ADAMTS3: variants seen among roughly 807,000 people sequenced by gnomAD.
The protein encoded by ADAMTS3 is A disintegrin and metalloproteinase with thrombospondin motifs 3.
Under a neutral mutation model 129.0 loss-of-function variants are expected in ADAMTS3, and 73 were observed. The ratio of observed to expected loss-of-function variants is 0.57; its 90% CI spans 0.47 to 0.69. The LOEUF is 0.69. ADAMTS3 is among the 30% of genes least tolerant of loss of function. The pLI is 0.00. For missense variants in ADAMTS3, 1,457 were observed against 1,514.5 expected (o/e 0.96, Z 0.63); for synonymous variants, 477 against 510.8 (o/e 0.93, Z 0.89).
At position 72,353,177 on chromosome 4, in the gene ADAMTS3, T is replaced by C. The variant is rs187235917; in HGVS notation, c.662-13484A>G. ...TTGTATTCAATGATAACAAAGAAAT[T>C]GTAGCAACAGGGCTTCCATGTCCTT... On this transcript the variant is annotated intron_variant, in intron 4 of 21. Coordinates refer to ENST00000286657, the MANE Select transcript of ADAMTS3 (RefSeq NM_014243.3). 1.7e-3 allele frequency among the ~76,000 whole-genome samples: 252 copies of C among 152,072 alleles called. 4 individuals carry two copies. The East Asian group carries it at 0.026, about 16-fold the overall frequency.
At chr4:72,446,964 C>T (rs768425674) in intron 3 of ADAMTS3, among the ~76,000 whole-genome samples, 2 of 151,572 alleles carry the variant, frequency 1.3e-5, no homozygotes, top group Non-Finnish European at 3.0e-5. Context: ...AGAAAAGAAA[C>T]AACAAAATGA....
intron 10 of ADAMTS3, among the ~76,000 whole-genome samples, chr4:72,317,905 T>C (rs1336462631): frequency 6.6e-6 from 1 of 151,974 alleles, no homozygotes; most frequent in Non-Finnish European, 1.5e-5. Context: ...GGTGCATGCC[T>C]GTAATCCCAG....
chr4:72,495,727 C>CTATA lies in ADAMTS3; in HGVS notation c.504+52747_504+52750dup, dbSNP rs74738035. 1.5e-3 allele frequency among the ~76,000 whole-genome samples: 235 copies of CTATA among 151,898 alleles called. 2 individuals are homozygous for CTATA. The highest frequency in any genetic ancestry group is 0.011 in the Admixed American group (163 of 15,254). On this transcript the variant is annotated intron_variant, in intron 3 of 21. Transcript: ENST00000286657. ...AAAAAAGCAACTTTCTCACAGTAAC[C>CTATA]TATATATATTAAATGTGCTGCCAAC...
intron 3 of ADAMTS3, among the ~76,000 whole-genome samples, chr4:72,543,950 T>C (rs1192229499): frequency 6.6e-6 from 1 of 152,074 alleles, no homozygotes; most frequent in Admixed American, 6.6e-5. Flanking sequence ...ATCTCAAAAC[T>C]CGTCAGGCTA....
At chr4:72,386,233 C>CT (rs1721442823) in intron 4 of ADAMTS3, among the ~76,000 whole-genome samples, 1 of 152,000 alleles carries the variant, frequency 6.6e-6, no homozygotes, top group African/African-American at 2.4e-5. Flanking sequence ...TTTTCTTTCA[C>CT]TTTTTTCTTT....
Position 72,438,162 on chromosome 4 carries a change from TAAGG to T in ADAMTS3, c.505-23195_505-23192del, listed in dbSNP as rs371444422. Among the ~76,000 whole-genome samples, 303 of 151,756 alleles carry T rather than the reference TAAGG, an allele frequency of 2.0e-3. 4 individuals carry two copies. The highest frequency in any genetic ancestry group is 7.1e-3 in the African/African-American group (294 of 41,464). On this transcript the variant is annotated intron_variant, in intron 3 of 21. Transcript: ENST00000286657. ...ATATCCAGAGGTAATAGTAGGAAGA[TAAGG>T]AAGGATTTCTGGTCACATAAACAAA...
At chr4:72,450,875 C>G (rs3907271) in intron 3 of ADAMTS3, among the ~76,000 whole-genome samples, 1 of 149,752 alleles carries the variant, frequency 6.7e-6, no homozygotes, top group African/African-American at 2.5e-5. Flanking sequence ...ACCCCCAAAA[C>G]AGGAATAAAT....
At chr4:72,405,315 A>G (rs991092974) in intron 4 of ADAMTS3, among the ~76,000 whole-genome samples, 2 of 152,148 alleles carry the variant, frequency 1.3e-5, no homozygotes, top group African/African-American at 4.8e-5. Context: ...AGATGAATAG[A>G]TAAAGAAAAT....
chr4:72,413,685 T>TA (rs1722235246), intron 4 of ADAMTS3, among the ~76,000 whole-genome samples: 1 of 151,926 alleles, frequency 6.6e-6, no homozygotes, highest in South Asian at 2.1e-4. Flanking sequence ...CTTTTTTCAT[T>TA]AAAAAACTGA....
chr4:72,497,975 T>C (rs1303305042), intron 3 of ADAMTS3, among the ~76,000 whole-genome samples: 3 of 152,044 alleles, frequency 2.0e-5, no homozygotes, highest in Non-Finnish European at 4.4e-5. Context: ...GCTATGGCAA[T>C]TTGTAAAATG....
At chr4:72,494,768 G>C (rs1037536480) in intron 3 of ADAMTS3, among the ~76,000 whole-genome samples, 7 of 152,120 alleles carry the variant, frequency 4.6e-5, no homozygotes, top group Non-Finnish European at 7.4e-5. Context: ...AACTGGGTAG[G>C]GTGTGACAGC....
At chr4:72,549,337 A>G (rs1320421959) in intron 2 of ADAMTS3, among the ~76,000 whole-genome samples, 2 of 152,124 alleles carry the variant, frequency 1.3e-5, no homozygotes, top group African/African-American at 4.8e-5. Context: ...TAGACTAATT[A>G]CAATAACTAT....
intron 3 of ADAMTS3, among the ~76,000 whole-genome samples, chr4:72,453,067 T>G (rs1393062733): frequency 2.0e-5 from 3 of 151,794 alleles, no homozygotes; most frequent in Non-Finnish European, 4.4e-5. Flanking sequence ...CCTACTATAC[T>G]AGAAACCTGA....
chr4:72,450,990 A>AGAAGAGAAGAGAAGG (rs1718388359), intron 3 of ADAMTS3, among the ~76,000 whole-genome samples: 3 of 67,274 alleles, frequency 4.5e-5, no homozygotes, highest in African/African-American at 1.8e-4. Context: ...AGAAGAGAAG[A>AGAAGAGAAGAGAAGG]GAAGAGAAGA....
chr4:72,392,913 G>A (rs942750183), intron 4 of ADAMTS3, among the ~76,000 whole-genome samples: 5 of 66,292 alleles, frequency 7.5e-5, no homozygotes, highest in South Asian at 1.2e-3. Context: ...TCTACCCATC[G>A]GATTTTTTTT....
At chr4:72,440,942 C>T (rs997968344) in intron 3 of ADAMTS3, among the ~76,000 whole-genome samples, 3 of 151,618 alleles carry the variant, frequency 2.0e-5, no homozygotes, top group Non-Finnish European at 4.4e-5. Context: ...TACAATGATG[C>T]ACAGATCTTA....
At position 72,309,480 on chromosome 4, in the gene ADAMTS3, T is replaced by C. The variant is rs568888734; in HGVS notation, c.2096A>G (p.Glu699Gly). The change falls in exon 15 of 22, where the codon GAG becomes GGG. Residue 699 changes from glutamate (E) to glycine (G), a missense_variant. Glu to Gly is a moderately conservative substitution (Grantham distance 98). Coordinates refer to ENST00000286657, the MANE Select transcript of ADAMTS3 (RefSeq NM_014243.3). ...TCCTCCACAGACACCACACTTATCC[T>C]CAACCTTATTAGAACCAATTTCTTT... ...CDKEIGSNKV[E>G]DKCGVCGGDN... The C allele has an allele frequency of 4.4e-5, 71 of 1,611,884 alleles. No homozygotes were observed. Among genetic ancestry groups the C allele is most frequent in the Non-Finnish European group, 5.9e-5 (69 of 1,178,536 alleles).
chr4:72,451,389 G>T (rs1365498861), intron 3 of ADAMTS3, among the ~76,000 whole-genome samples: 1 of 151,736 alleles, frequency 6.6e-6, no homozygotes, highest in African/African-American at 2.4e-5. Flanking sequence ...CTTACTAGAA[G>T]ATTCCAAAAT....
intron 3 of ADAMTS3, among the ~76,000 whole-genome samples, chr4:72,420,603 G>A (rs1301871912): frequency 2.0e-5 from 3 of 152,080 alleles, no homozygotes; most frequent in African/African-American, 7.2e-5. Context: ...ACCCACCACT[G>A]CCCTTCTGGT....
Sources: allele counts gnomAD v4.1 joint callset (sites outside exome capture counted in the v4.1 genomes callset), GRCh38; gene constraint gnomAD v4.1.1; transcripts MANE v1.5; gene names NCBI Gene and HGNC (gene_info 2026-07-23, HGNC 2026-07-21).